The following PACS1 variants were observed in gnomAD, a reference collection of about 807,000 sequenced individuals.
PACS1 encodes the protein PACS-1.
PACS1 carries 24 observed loss-of-function variants against 115.0 expected under a neutral mutation model. The observed-to-expected ratio is 0.21, with a 90% CI of 0.15 to 0.29. The LOEUF (loss-of-function observed/expected upper bound fraction) is 0.29, where lower values mean the gene tolerates loss of function less well. Among genes scored for constraint, PACS1 ranks in the 10% least tolerant of loss-of-function variants. The pLI is 1.00. For missense variants in PACS1, 838 were observed against 1,251.2 expected (o/e 0.67, Z 4.98); for synonymous variants, 453 against 504.5 (o/e 0.90, Z 1.37).
At chr11:66,232,933 C>A in intron 14 of PACS1, 27 bp from the exon 15 acceptor site, 2 of 1,547,090 alleles carry the variant, frequency 1.3e-6, no homozygotes, top group South Asian at 1.1e-5. Context: ...TCACCTGTGT[C>A]CCTGCTCTCC....
chr11:66,216,089 C>CA (rs752306982), intron 4 of PACS1, 30 bp from the exon 5 acceptor site: 1 of 1,612,286 alleles, frequency 6.2e-7, no homozygotes, highest in South Asian at 1.1e-5. Context: ...TCTGTAGTAA[C>CA]ACGCCTCCAC....
chr11:66,173,091 G>GT (rs1554984845), intron 1 of PACS1, among the ~76,000 whole-genome samples: 452 of 142,378 alleles, frequency 3.2e-3, no homozygotes, highest in African/African-American at 4.7e-3. Context: ...TTTGATTTTG[G>GT]TTTTTTTTTT....
chr11:66,216,507 G>C lies in PACS1; in HGVS notation c.806-13G>C. ...CCCATTGCAAGGTTATCTTACTCAG[G>C]TGTCTGTTGCAGATCGTTCTCCTGA... On this transcript the variant is annotated splice_polypyrimidine_tract_variant and intron_variant, in intron 5 of 23. Coordinates refer to ENST00000320580, the MANE Select transcript of PACS1 (RefSeq NM_018026.4). 1 of 1,606,364 alleles carries C rather than the reference G, an allele frequency of 6.2e-7. No individual in the cohort carries two copies. Among genetic ancestry groups the C allele is most frequent in the Non-Finnish European group, 8.5e-7 (1 of 1,172,920 alleles).
chr11:66,244,549 G>C lies in PACS1; in HGVS notation c.*1269G>C, dbSNP rs1460510550. 1.3e-5 allele frequency: 2 copies of C among 152,402 alleles called. No homozygotes were observed. The highest frequency in any genetic ancestry group is 4.8e-5 in the African/African-American group (2 of 41,456). 9.4% of individuals were successfully genotyped at this position (152,402 alleles called of 1,614,324 possible). On this transcript the variant is annotated 3_prime_UTR_variant, in exon 24 of 24. Transcript: ENST00000320580. ...TCTCTTGTCCTCTCACTCCTTCCCA[G>C]AAGTTTTTGCACAGAACTTCATTTT...
At chr11:66,159,243 G>A (rs1381923227) in intron 1 of PACS1, among the ~76,000 whole-genome samples, 1 of 152,144 alleles carries the variant, frequency 6.6e-6, no homozygotes, top group Admixed American at 6.5e-5. Context: ...TTCGAGACCA[G>A]CCTGACCAAC....
At position 66,081,622 on chromosome 11, in the gene PACS1, G is replaced by A. The variant is rs111808443; in HGVS notation, c.356+10780G>A. Among the ~76,000 whole-genome samples, 229 of 152,204 alleles carry A rather than the reference G, an allele frequency of 1.5e-3. 2 individuals are homozygous for A. Among genetic ancestry groups the A allele is most frequent in the African/African-American group, 5.3e-3 (219 of 41,526 alleles). The stretch of plus-strand genomic sequence containing the variant: ...GGTTCTCTGAAGCAGTGGCTGGGTC[G>A]GGATCCTGTTTCTACATCCTGCCAG... On this transcript the variant is annotated intron_variant, in intron 1 of 23. Coordinates refer to ENST00000320580, the MANE Select transcript of PACS1 (RefSeq NM_018026.4).
intron 23 of PACS1, 43 bp downstream of exon 23, chr11:66,243,074 T>C: frequency 6.2e-7 from 1 of 1,612,742 alleles, no homozygotes; most frequent in Non-Finnish European, 8.5e-7. Context: ...AGAAAGGGAC[T>C]GGAGAGGGAG....
chr11:66,176,531 A>G (rs1263771046), intron 1 of PACS1, among the ~76,000 whole-genome samples: 7 of 151,296 alleles, frequency 4.6e-5, no homozygotes, highest in Non-Finnish European at 1.0e-4. Context: ...CTCCTGCCTC[A>G]GCCTCCCGAA....
rs754661288 is a variant in PACS1, at chr11:66,070,596, A to C, written c.110A>C (p.Gln37Pro). Residue 37 changes from glutamine to proline, a missense_variant, in exon 1 of 24, where the codon CAG becomes CCG. Physicochemically the swap from Gln to Pro is moderately conservative, Grantham distance 76. Around this residue, in one of 6 missense-constraint regions of PACS1, gnomAD observed 129 missense variants for 109.4 expected, o/e 1.18. Transcript: ENST00000320580. The surrounding 1 kb of genome is among the most constrained non-coding windows in gnomAD (Gnocchi z 5.9). Reference protein sequence around the residue: ...QSPQQPPPQQQQQQPPQQPTP... With the variant: ...QSPQQPPPQQPQQQPPQQPTP... ...CCTCAGCAGCCGCCGCCGCAGCAGCAGCAGCAGCAGCCGCCGCAGCAGCCG... is the reference window on the plus strand; with the variant it reads ...CCTCAGCAGCCGCCGCCGCAGCAGCCGCAGCAGCAGCCGCCGCAGCAGCCG... The C allele has an allele frequency of 2.6e-6, 4 of 1,513,478 alleles. No homozygotes were observed. The highest frequency in any genetic ancestry group is 2.1e-4 in the Middle Eastern group (1 of 4,842). The allele number at this position is 1,513,478 out of a possible 1,614,324, so 93.8% of individuals were successfully genotyped here.
At chr11:66,100,103 C>T (rs1324424840) in intron 1 of PACS1, among the ~76,000 whole-genome samples, 1 of 152,150 alleles carries the variant, frequency 6.6e-6, no homozygotes, top group Non-Finnish European at 1.5e-5. Context: ...TGGTCTCGAA[C>T]TCCTGACCTC....
intron 1 of PACS1, among the ~76,000 whole-genome samples, chr11:66,138,903 G>A (rs1329000644): frequency 6.6e-6 from 1 of 151,886 alleles, no homozygotes; most frequent in African/African-American, 2.4e-5. Context: ...GGATGGTCTC[G>A]ATATCTTGAC....
chr11:66,234,352 T>G lies in PACS1; in HGVS notation c.2104+110T>G, dbSNP rs1207449104. ...TGCTTTCCTCCCTGCAGCTCTCACC[T>G]TCCCGGTCACTCTGTCCATTCATTT... On this transcript the variant is annotated intron_variant, in intron 17 of 23. Transcript: ENST00000320580. 6.6e-6 allele frequency: 5 copies of G among 762,820 alleles called. No homozygotes were observed. In the East Asian group the frequency reaches 1.2e-4, roughly 19 times the overall value. The allele number at this position is 762,820 out of a possible 1,614,324, so 47.3% of individuals were successfully genotyped here.
chr11:66,089,163 C>T (rs1002101930), intron 1 of PACS1, among the ~76,000 whole-genome samples: 1 of 152,106 alleles, frequency 6.6e-6, no homozygotes, highest in African/African-American at 2.4e-5. Flanking sequence ...CGAAGGTTCC[C>T]ACAACTGTGG....
intron 1 of PACS1, among the ~76,000 whole-genome samples, chr11:66,097,278 T>C (rs1174945232): frequency 7.9e-5 from 12 of 152,286 alleles, no homozygotes; most frequent in Non-Finnish European, 1.0e-4. Context: ...TGTATGGTCA[T>C]GCATACCTGA....
At chr11:66,094,966 T>C (rs1430160607) in intron 1 of PACS1, among the ~76,000 whole-genome samples, 1 of 150,430 alleles carries the variant, frequency 6.6e-6, no homozygotes, top group African/African-American at 2.4e-5. Context: ...TCTCAATAGA[T>C]GCAGAAAAGG....
At chr11:66,140,034 A>G (rs1290969556) in intron 1 of PACS1, among the ~76,000 whole-genome samples, 1 of 152,188 alleles carries the variant, frequency 6.6e-6, no homozygotes, top group Admixed American at 6.5e-5. Context: ...ACCTTTACCC[A>G]CGTACTGAAT....
chr11:66,216,387 G>A (rs1855209856), intron 5 of PACS1, 124 bp downstream of exon 5: 1 of 1,421,896 alleles, frequency 7.0e-7, no homozygotes, highest in South Asian at 1.2e-5. Flanking sequence ...AGTAAAATGT[G>A]GCTTCGGCCC....
chr11:66,228,874 A>G (rs2134731662), intron 11 of PACS1, among the ~76,000 whole-genome samples: 1 of 152,298 alleles, frequency 6.6e-6, no homozygotes, highest in East Asian at 1.9e-4. Flanking sequence ...CTTACTTTAT[A>G]GAAGTTATGC....
intron 7 of PACS1, chr11:66,217,921 C>T (rs1855250996): frequency 2.5e-5 from 6 of 242,354 alleles, no homozygotes; most frequent in Admixed American, 5.7e-5. Context: ...CCTCTTCCTA[C>T]GTGGGGTCTC....
Sources: gnomAD v4.1 joint callset for allele counts (sites outside exome capture counted in the v4.1 genomes callset) on GRCh38, gnomAD v4.1.1 for gene constraint, gnomAD v4.1.1 regional missense constraint, Gnocchi (gnomAD v3.1) non-coding constraint, MANE v1.5 for transcripts, NCBI Gene and HGNC (gene_info 2026-07-23, HGNC 2026-07-21) for gene names.